Variants in PRORP observed in about 807,000 individuals in gnomAD.
PRORP encodes protein only RNase P catalytic subunit, also known as mitochondrial ribonuclease P catalytic subunit.
Under a neutral mutation model 59.4 loss-of-function variants are expected in PRORP, and 51 were observed. The observed-to-expected ratio is 0.86, with a 90% CI of 0.69 to 1.08. PRORP has a LOEUF of 1.08. PRORP is among the 50% of genes least tolerant of loss of function. PRORP has a pLI of 0.00. For missense variants in PRORP, 646 were observed against 690.3 expected (o/e 0.94, Z 0.72); for synonymous variants, 231 against 245.6 (o/e 0.94, Z 0.55).
chr14:35,244,038 G>A (rs551380423), intron 5 of PRORP, among the ~76,000 whole-genome samples: 7 of 152,214 alleles, frequency 4.6e-5, no homozygotes, highest in Non-Finnish European at 8.8e-5. Flanking sequence ...TTCAAGTATA[G>A]TGAATACACT....
intron 5 of PRORP, chr14:35,235,169 T>G: frequency 1.6e-6 from 1 of 642,242 alleles, no homozygotes; most frequent in Non-Finnish European, 2.9e-6. Flanking sequence ...CTCAACAGTG[T>G]ACATTTAACT....
intron 5 of PRORP, among the ~76,000 whole-genome samples, chr14:35,238,779 T>C (rs938707416): frequency 1.3e-5 from 2 of 152,166 alleles, no homozygotes; most frequent in Admixed American, 1.3e-4. Flanking sequence ...AACCAAATAC[T>C]CTTATTAAAG....
intron 4 of PRORP, chr14:35,158,798 A>G (rs972393516): frequency 2.5e-5 from 9 of 354,724 alleles, no homozygotes; most frequent in African/African-American, 2.0e-4. Flanking sequence ...AAAACTTTGG[A>G]TTGTTCCTCC....
At chr14:35,207,092 CT>C (rs911302490) in intron 5 of PRORP, among the ~76,000 whole-genome samples, 2 of 151,004 alleles carry the variant, frequency 1.3e-5, no homozygotes, top group African/African-American at 4.8e-5. Context: ...GGCTGTGTAT[CT>C]TTTATTTTTT....
intron 5 of PRORP, among the ~76,000 whole-genome samples, chr14:35,196,481 A>G (rs1443403233): frequency 6.6e-6 from 1 of 152,190 alleles, no homozygotes; most frequent in East Asian, 1.9e-4. Flanking sequence ...TGGGTAACAG[A>G]GTGAGACCCT....
In PRORP at chr14:35,271,704, C is replaced by T. The variant is rs370141240; in HGVS notation, c.1620+1108C>T. Reference sequence around the variant, plus strand: ...GTTATTACAGAAAAGTACACTGGCCCGTGGTATAATAAATAAGGTTCAATT... The same window carrying T: ...GTTATTACAGAAAAGTACACTGGCCTGTGGTATAATAAATAAGGTTCAATT... On this transcript the variant is annotated intron_variant, in intron 7 of 7. Coordinates refer to ENST00000534898, the MANE Select transcript of PRORP (RefSeq NM_014672.4). Among the ~76,000 whole-genome samples, 49 of 152,114 alleles carry T rather than the reference C, an allele frequency of 3.2e-4. 1 individual carries two copies. The East Asian group carries it at 5.0e-3, about 16-fold the overall frequency.
At position 35,276,665 on chromosome 14, in the gene PRORP, G is replaced by T. The variant is rs1473738961; in HGVS notation, c.*3099G>T. 6.6e-6 allele frequency: 1 copy of T among 151,850 alleles called. No homozygotes were observed. The highest frequency in any genetic ancestry group is 2.4e-5 in the African/African-American group (1 of 41,330). The allele number at this position is 151,850 out of a possible 1,614,324, so 9.4% of individuals were successfully genotyped here. A position where few individuals can be genotyped will look rare whatever the true frequency, so the allele number is the denominator to read the frequency against. ...AAAGGTACCTGTCAAGCAAGCTCCT[G>T]GACACCACAAGAAGGAGGAATTATT... On this transcript the variant is annotated 3_prime_UTR_variant, in exon 8 of 8. Coordinates refer to ENST00000534898, the MANE Select transcript of PRORP (RefSeq NM_014672.4).
At chr14:35,218,276 A>T (rs952572478) in intron 5 of PRORP, among the ~76,000 whole-genome samples, 6 of 151,548 alleles carry the variant, frequency 4.0e-5, no homozygotes, top group Non-Finnish European at 7.4e-5. Context: ...CCTGGGCAAC[A>T]TAGTAAGACC....
chr14:35,243,831 T>C lies in PRORP; in HGVS notation c.1276-22896T>C, dbSNP rs141925610. ...GGTGTCTATGAGGATTAAGTGGTGA[T>C]GTGTATAAGCACATTAATATTTAAA... On this transcript the variant is annotated intron_variant, in intron 5 of 7. Coordinates refer to ENST00000534898, the MANE Select transcript of PRORP (RefSeq NM_014672.4). Among the ~76,000 whole-genome samples, 9 of 152,296 alleles carry C rather than the reference T, an allele frequency of 5.9e-5. 1 individual carries two copies. The East Asian group carries it at 1.7e-3, about 29-fold the overall frequency.
At chr14:35,205,127 TG>T (rs1196589890) in intron 5 of PRORP, among the ~76,000 whole-genome samples, 1 of 152,188 alleles carries the variant, frequency 6.6e-6, no homozygotes. Flanking sequence ...TCTCTCTTTA[TG>T]GGCTTTGTCA....
chr14:35,165,376 T>A (rs1277651823), intron 4 of PRORP, among the ~76,000 whole-genome samples: 1 of 152,328 alleles, frequency 6.6e-6, no homozygotes, highest in East Asian at 1.9e-4. Context: ...AGTTAGGTGA[T>A]CTGCTTAACT....
intron 5 of PRORP, chr14:35,218,991 A>G (rs1391203010): frequency 6.6e-6 from 1 of 152,194 alleles, no homozygotes; most frequent in African/African-American, 2.4e-5. Context: ...GCAGCCCTCT[A>G]ATCTATAAAA....
chr14:35,264,922 G>T (rs1025757577), intron 5 of PRORP, among the ~76,000 whole-genome samples: 1 of 152,210 alleles, frequency 6.6e-6, no homozygotes, highest in Non-Finnish European at 1.5e-5. Flanking sequence ...CCAGGAGGTG[G>T]AGGTTGCAGT....
intron 2 of PRORP, among the ~76,000 whole-genome samples, chr14:35,124,668 CT>C (rs1448145399): frequency 6.8e-6 from 1 of 147,128 alleles, no homozygotes; most frequent in African/African-American, 2.5e-5. Flanking sequence ...CATTTTTTTC[CT>C]TTTGGAAGGA....
chr14:35,244,211 T>C (rs2050429263), intron 5 of PRORP, among the ~76,000 whole-genome samples: 1 of 152,230 alleles, frequency 6.6e-6, no homozygotes, highest in African/African-American at 2.4e-5. Context: ...TTATGTTATA[T>C]TGAACTATAG....
rs978144158 is a variant in PRORP at position 35,126,722 on chromosome 14, A to G, written c.987-13A>G. 6.2e-7 allele frequency: 1 copy of G among 1,602,276 alleles called. No homozygotes were observed. The highest frequency in any genetic ancestry group is 8.5e-7 in the Non-Finnish European group (1 of 1,172,560). Reference sequence around the variant, plus strand: ...TAACCTTCTCATGATTTGGTTTTGCAATCTTTTCATAGTGTTCCTGGAAAA... The same window carrying G: ...TAACCTTCTCATGATTTGGTTTTGCGATCTTTTCATAGTGTTCCTGGAAAA... On this transcript the variant is annotated splice_polypyrimidine_tract_variant and intron_variant, in intron 2 of 7. Coordinates refer to ENST00000534898, the MANE Select transcript of PRORP (RefSeq NM_014672.4).
In PRORP at chr14:35,123,521, G is replaced by C; in HGVS notation, c.276G>C (p.Glu92Asp). The change falls in exon 2 of 8, where the codon GAG becomes GAC. Residue 92 changes from glutamate to aspartate, a missense_variant. By Grantham distance (45) the Glu-to-Asp change is conservative. Coordinates refer to ENST00000534898, the MANE Select transcript of PRORP (RefSeq NM_014672.4). ...TTTTTTTAGCTGGAGCAGCTAAGGA[G>C]AGATCACAGATGAATTCTCAAACTG... is the stretch of plus-strand genomic sequence containing the variant. ...PHFFLAGAAK[E>D]RSQMNSQTED... 1 of 1,614,118 alleles carries C rather than the reference G, an allele frequency of 6.2e-7. No homozygotes were observed. The highest frequency in any genetic ancestry group is 8.5e-7 in the Non-Finnish European group (1 of 1,180,034).
chr14:35,171,208 T>C (rs1236105450), intron 4 of PRORP, among the ~76,000 whole-genome samples: 2 of 152,190 alleles, frequency 1.3e-5, no homozygotes, highest in African/African-American at 4.8e-5. Context: ...CTTGAATTCC[T>C]GACCTCAAGT....
rs200866026 is a variant in PRORP, at chr14:35,273,554, C to T, written c.1740C>T (p.His580=). 6.2e-7 allele frequency: 1 copy of T among 1,612,912 alleles called. No individual in the cohort carries two copies. Among genetic ancestry groups the T allele is most frequent in the Non-Finnish European group, 8.5e-7 (1 of 1,179,506 alleles). Residue 580 remains histidine (H), a synonymous_variant, in exon 8 of 8, where the codon CAC becomes CAT. Transcript: ENST00000534898. ...CEVPTKWLCL[H]QKT ...TACCAACCAAATGGCTTTGCCTCCA[C>T]CAAAAGACATAGAGATTCTTACCTC...
Sources: allele counts gnomAD v4.1 joint callset (sites outside exome capture counted in the v4.1 genomes callset), GRCh38; gene constraint gnomAD v4.1.1; transcripts MANE v1.5; gene names NCBI Gene and HGNC (gene_info 2026-07-23, HGNC 2026-07-21).